The following SORCS2 variants were observed in gnomAD, a reference collection of about 807,000 sequenced individuals.
SORCS2 encodes VPS10 domain-containing receptor SorCS2.
In SORCS2, 100 loss-of-function variants were observed where a neutral mutation model predicts 141.6. The ratio of observed to expected loss-of-function variants is 0.71; its 90% CI spans 0.60 to 0.83. The LOEUF is 0.83. Among genes scored for constraint, SORCS2 ranks in the 40% least tolerant of loss-of-function variants. The pLI is 0.00. For synonymous variants in SORCS2, 789 were observed against 676.9 expected (o/e 1.17, Z -2.57); for missense variants, 1,646 against 1,560.2 (o/e 1.05, Z -0.93).
At chr4:7,415,426 C>T (rs1560265645) in intron 2 of SORCS2, among the ~76,000 whole-genome samples, 1 of 152,244 alleles carries the variant, frequency 6.6e-6, no homozygotes, top group South Asian at 2.1e-4. Flanking sequence ...GCAGCGTCAC[C>T]TCCCTCTGAC....
intron 3 of SORCS2, among the ~76,000 whole-genome samples, chr4:7,570,354 G>A (rs1255478183): frequency 1.3e-5 from 2 of 152,254 alleles, no homozygotes; most frequent in African/African-American, 4.8e-5. Context: ...CCTCGCTAGG[G>A]CCTCCTGGGA....
At chr4:7,570,007 G>T (rs1577768227) in intron 3 of SORCS2, among the ~76,000 whole-genome samples, 1 of 152,182 alleles carries the variant, frequency 6.6e-6, no homozygotes, top group East Asian at 1.9e-4. Flanking sequence ...AGGGGACGAG[G>T]GCTCCCAGCG....
At chr4:7,427,868 C>T (rs1726564084) in intron 2 of SORCS2, among the ~76,000 whole-genome samples, 1 of 151,930 alleles carries the variant, frequency 6.6e-6, no homozygotes, top group African/African-American at 2.4e-5. Flanking sequence ...CGCACCAGGC[C>T]CGACTGCAAC....
At chr4:7,668,064 T>C (rs1458199417) in intron 8 of SORCS2, among the ~76,000 whole-genome samples, 2 of 152,186 alleles carry the variant, frequency 1.3e-5, no homozygotes, top group African/African-American at 4.8e-5. Flanking sequence ...CCTCCACATT[T>C]ATTTACTGAG....
At chr4:7,536,814 T>G (rs1712159777) in intron 3 of SORCS2, among the ~76,000 whole-genome samples, 1 of 135,550 alleles carries the variant, frequency 7.4e-6, no homozygotes, top group Non-Finnish European at 1.5e-5. Context: ...CAGAAGCGGA[T>G]GTCCCCATAC....
chr4:7,368,931 G>A (rs919647514), intron 1 of SORCS2, among the ~76,000 whole-genome samples: 4 of 152,120 alleles, frequency 2.6e-5, no homozygotes, highest in East Asian at 1.9e-4. Flanking sequence ...TCCCTTGCAC[G>A]TGCTCTTCTC....
chr4:7,719,405 G>A (rs1726422646), intron 18 of SORCS2, among the ~76,000 whole-genome samples: 1 of 152,072 alleles, frequency 6.6e-6, no homozygotes, highest in African/African-American at 2.4e-5. Context: ...TTATAGCTGG[G>A]GAAACTGAGG....
intron 1 of SORCS2, among the ~76,000 whole-genome samples, chr4:7,350,371 A>T (rs937297078): frequency 3.3e-5 from 5 of 152,244 alleles, no homozygotes; most frequent in Non-Finnish European, 7.3e-5. Context: ...CATCAGATAT[A>T]ATTTTGAAGA....
intron 14 of SORCS2, among the ~76,000 whole-genome samples, chr4:7,712,116 C>T (rs574744486): frequency 2.0e-5 from 3 of 152,300 alleles, no homozygotes; most frequent in East Asian, 3.9e-4. Flanking sequence ...TTCTGTCTTC[C>T]GCCTCTTCCC....
intron 2 of SORCS2, among the ~76,000 whole-genome samples, chr4:7,486,056 C>T (rs188452711): frequency 6.6e-6 from 1 of 152,182 alleles, no homozygotes; most frequent in Non-Finnish European, 1.5e-5. Context: ...ACGGATGTCA[C>T]CCACAGCACA....
At chr4:7,244,871 T>G (rs912274310) in intron 1 of SORCS2, among the ~76,000 whole-genome samples, 2 of 152,212 alleles carry the variant, frequency 1.3e-5, no homozygotes, top group East Asian at 1.9e-4. Flanking sequence ...GAGTGTGTGC[T>G]TAATATGCCA....
chr4:7,357,822 A>T (rs1577440841), intron 1 of SORCS2, among the ~76,000 whole-genome samples: 4 of 152,104 alleles, frequency 2.6e-5, no homozygotes, highest in Admixed American at 2.6e-4. Flanking sequence ...CCTTCTCCCC[A>T]TCCTGCCTTG....
intron 4 of SORCS2, among the ~76,000 whole-genome samples, chr4:7,645,173 G>C (rs1029952852): frequency 6.6e-6 from 1 of 152,210 alleles, no homozygotes; most frequent in Non-Finnish European, 1.5e-5. Flanking sequence ...GGTATGAGCA[G>C]TGCCCTCCTG....
chr4:7,740,264 A>C lies in SORCS2; in HGVS notation c.3480A>C (p.Ter1160CysextTer103). 6.2e-7 allele frequency: 1 copy of C among 1,609,076 alleles called. No homozygotes were observed. Among genetic ancestry groups the C allele is most frequent in the Non-Finnish European group, 8.5e-7 (1 of 1,179,270 alleles). The change falls in exon 27 of 27, where the codon TGA becomes TGC. Residue 1160 changes from the stop codon to cysteine, a stop_lost. Transcript: ENST00000507866. ...SREMHSYLVS[*>C] Reference sequence around the variant, plus strand: ...AGATGCACAGCTACCTGGTGAGCTGATGCCACCCCAGCATCTGTCTTTTCA... The same window carrying C: ...AGATGCACAGCTACCTGGTGAGCTGCTGCCACCCCAGCATCTGTCTTTTCA...
intron 2 of SORCS2, among the ~76,000 whole-genome samples, chr4:7,426,021 C>T (rs1448250352): frequency 1.3e-5 from 2 of 152,226 alleles, no homozygotes; most frequent in Non-Finnish European, 1.5e-5. Context: ...GAGGGCCAGC[C>T]CCTGGGTCTT....
chr4:7,371,880 G>C (rs1483836776), intron 1 of SORCS2, among the ~76,000 whole-genome samples: 4 of 152,232 alleles, frequency 2.6e-5, no homozygotes, highest in Non-Finnish European at 5.9e-5. Context: ...GGCCACAGCT[G>C]AGATAAAGAG....
At chr4:7,726,751 G>T in intron 20 of SORCS2, 29 bp from the exon 21 acceptor site, 1 of 1,607,926 alleles carries the variant, frequency 6.2e-7, no homozygotes, top group Non-Finnish European at 8.5e-7. Flanking sequence ...CACTCGGCCA[G>T]GCCCCTAAGC....
At position 7,667,194 on chromosome 4, in the gene SORCS2, C is replaced by G. The variant is rs369885447; in HGVS notation, c.1142C>G (p.Pro381Arg). The G allele has an allele frequency of 6.2e-7, 1 of 1,613,650 alleles. No homozygotes were observed. Among genetic ancestry groups the G allele is most frequent in the South Asian group, 1.1e-5 (1 of 91,066 alleles). Residue 381 changes from proline to arginine, a missense_variant, in exon 8 of 27, where the codon CCG becomes CGG. Coordinates refer to ENST00000507866, the MANE Select transcript of SORCS2 (RefSeq NM_020777.3). ...AATGAATTTGTCCTGATGAAGCTGC[C>G]GAAGTATGCATTGCCAAAGGTAAGG... ...RRNEFVLMKL[P>R]KYALPKDLQI... is the part of the protein sequence containing the mutation.
intron 1 of SORCS2, among the ~76,000 whole-genome samples, chr4:7,225,788 C>T (rs1243596521): frequency 6.6e-6 from 1 of 152,148 alleles, no homozygotes; most frequent in Non-Finnish European, 1.5e-5. Context: ...TGCTGTGGAC[C>T]AGTTGGGGCT....
Sources: allele counts gnomAD v4.1 joint callset (sites outside exome capture counted in the v4.1 genomes callset), GRCh38; gene constraint gnomAD v4.1.1; transcripts MANE v1.5; gene names NCBI Gene and HGNC (gene_info 2026-07-23, HGNC 2026-07-21).